The following MIB1 variants were observed in gnomAD, a reference collection of about 807,000 sequenced individuals.
The protein encoded by MIB1 is MIB E3 ubiquitin protein ligase 1, also known as E3 ubiquitin-protein ligase MIB1.
Under a neutral mutation model 124.5 loss-of-function variants are expected in MIB1, and 278 were observed. The ratio of observed to expected loss-of-function variants is 2.23; its 90% confidence interval spans 2.02 to 2.47. The LOEUF is 2.47. Among genes scored for constraint, MIB1 ranks in the 30% most tolerant of loss-of-function variants. The probability of loss-of-function intolerance (pLI) is 0.00; values close to 1 mark genes in which losing one functional copy is unlikely to be tolerated. For missense variants in MIB1, 957 were observed against 1,254.4 expected, an observed-to-expected ratio of 0.76 and a Z score of 3.58; for synonymous variants, 446 against 429.4, an observed-to-expected ratio of 1.04 and a Z score of -0.48.
At chr18:21,844,907 G>C (rs117388218) in intron 15 of MIB1, among the ~76,000 whole-genome samples, 19 of 151,978 alleles carry the variant, frequency 1.3e-4, no homozygotes, top group Non-Finnish European at 2.2e-4. Flanking sequence ...TAGGCTGTTT[G>C]TTTTCTTACT....
intron 6 of MIB1, among the ~76,000 whole-genome samples, chr18:21,790,618 A>T (rs2041491399): frequency 1.3e-5 from 2 of 152,208 alleles, no homozygotes; most frequent in East Asian, 3.8e-4. Flanking sequence ...AAACAACTAG[A>T]TTATGAATGT....
chr18:21,822,660 T>C (rs1048806917), intron 12 of MIB1, among the ~76,000 whole-genome samples: 2 of 149,962 alleles, frequency 1.3e-5, no homozygotes, highest in African/African-American at 4.9e-5. Context: ...ATTGGGATGT[T>C]TTGAATTCTT....
rs1002209681 is a variant in MIB1, at chr18:21,870,093, A to T, written c.*5427A>T. On this transcript the variant is annotated 3_prime_UTR_variant, in exon 21 of 21. Transcript: ENST00000261537. ...GATTTCTTGCTTATTAGCTTTTGTT[A>T]AAGAATGCTTAGTAAGAGCTAAGCT... is the stretch of plus-strand genomic sequence containing the variant. 3 of 152,568 alleles carry T rather than the reference A, an allele frequency of 2.0e-5. No homozygotes were observed. Among genetic ancestry groups the T allele is most frequent in the Non-Finnish European group, 2.9e-5 (2 of 67,974 alleles). The allele number at this position is 152,568 out of a possible 1,614,324, so 9.5% of individuals were successfully genotyped here.
chr18:21,725,353 C>T (rs1017229374), intron 1 of MIB1, among the ~76,000 whole-genome samples: 9 of 151,960 alleles, frequency 5.9e-5, no homozygotes, highest in African/African-American at 1.7e-4. Flanking sequence ...TATGTGAGAC[C>T]GCCTGTGGAG....
intron 7 of MIB1, among the ~76,000 whole-genome samples, chr18:21,795,197 A>G (rs1215956062): frequency 1.3e-5 from 2 of 149,198 alleles, no homozygotes; most frequent in Non-Finnish European, 3.0e-5. Context: ...TCAAAATATT[A>G]GGAAAGAGTA....
intron 12 of MIB1, among the ~76,000 whole-genome samples, 160 bp from the exon 13 acceptor site, chr18:21,838,200 AAAATT>A (rs1598636132): frequency 6.6e-6 from 1 of 152,216 alleles, no homozygotes; most frequent in Non-Finnish European, 1.5e-5. Context: ...TCTTAAAAAA[AAAATT>A]AAATTAAAGC....
At chr18:21,777,748 G>A (rs1230313242) in intron 4 of MIB1, among the ~76,000 whole-genome samples, 1 of 151,938 alleles carries the variant, frequency 6.6e-6, no homozygotes, top group Non-Finnish European at 1.5e-5. Flanking sequence ...AGTGGAGACG[G>A]GGTTTCACCA....
chr18:21,803,418 A>G (rs915282100), intron 9 of MIB1, among the ~76,000 whole-genome samples: 4 of 152,218 alleles, frequency 2.6e-5, no homozygotes, highest in African/African-American at 9.6e-5. Flanking sequence ...GTATATAACT[A>G]CCTTGCTAAC....
Position 21,838,056 on chromosome 18 carries a change from T to C in MIB1, c.1830-309T>C, listed in dbSNP as rs543401920. 6.6e-5 allele frequency among the ~76,000 whole-genome samples: 10 copies of C among 152,308 alleles called. No homozygotes were observed. The East Asian group carries it at 1.7e-3, about 26-fold the overall frequency. On this transcript the variant is annotated intron_variant, in intron 12 of 20. Coordinates refer to ENST00000261537, the MANE Select transcript of MIB1 (RefSeq NM_020774.4). ...AGGTTTCCTCCTTGTAGCACTTCCA[T>C]TCTGTTTTGATTCTATTTCCCAGAT...
At chr18:21,773,989 A>T (rs2041252248) in intron 4 of MIB1, among the ~76,000 whole-genome samples, 1 of 152,200 alleles carries the variant, frequency 6.6e-6, no homozygotes, top group African/African-American at 2.4e-5. Context: ...TATCAAAAAG[A>T]TTGGGAATCA....
chr18:21,791,635 A>G, intron 7 of MIB1, 78 bp downstream of exon 7: 2 of 1,208,276 alleles, frequency 1.7e-6, no homozygotes, highest in South Asian at 3.2e-5. Context: ...TAATGTAGAA[A>G]TTAAATTGGC....
intron 12 of MIB1, among the ~76,000 whole-genome samples, chr18:21,832,961 AG>A (rs1218975320): frequency 6.6e-6 from 1 of 152,206 alleles, no homozygotes; most frequent in African/African-American, 2.4e-5. Context: ...TCTCTTTCTA[AG>A]CCCTTTATAA....
At chr18:21,823,137 GACATGAGAATCACCTGA>G (rs2041893899) in intron 12 of MIB1, among the ~76,000 whole-genome samples, 1 of 151,176 alleles carries the variant, frequency 6.6e-6, no homozygotes, top group Admixed American at 6.6e-5. Context: ...GGGAGGCTGA[GACATGAGAATCACCTGA>G]ACCCAGGAAG....
intron 6 of MIB1, among the ~76,000 whole-genome samples, chr18:21,780,648 G>A (rs1313981269): frequency 6.6e-6 from 1 of 152,162 alleles, no homozygotes; most frequent in Non-Finnish European, 1.5e-5. Context: ...GGGTCTCATT[G>A]TATTGCCCAT....
intron 10 of MIB1, among the ~76,000 whole-genome samples, chr18:21,805,158 G>A (rs930067630): frequency 6.6e-6 from 1 of 151,882 alleles, no homozygotes; most frequent in African/African-American, 2.4e-5. Context: ...GATTATAGGC[G>A]CCTGCTACCA....
intron 12 of MIB1, among the ~76,000 whole-genome samples, chr18:21,834,748 CTG>C (rs762086559): frequency 5.7e-4 from 87 of 152,274 alleles, no homozygotes; most frequent in Non-Finnish European, 1.0e-3. Flanking sequence ...GTCTGGGAAA[CTG>C]TCACAACCAA....
rs1725917385 is a variant in MIB1, at chr18:21,866,225, C to G, written c.*1559C>G. On this transcript the variant is annotated 3_prime_UTR_variant, in exon 21 of 21. Transcript: ENST00000261537. Reference sequence around the variant, plus strand: ...ACTGTTTCTGGCTGTTTAATCCTTGCTGCCTTTGCAAGTCCTGGTGAAAGC... The same window carrying G: ...ACTGTTTCTGGCTGTTTAATCCTTGGTGCCTTTGCAAGTCCTGGTGAAAGC... The G allele has an allele frequency of 6.6e-6, 1 of 152,306 alleles. No individual in the cohort carries two copies. Among genetic ancestry groups the G allele is most frequent in the African/African-American group, 2.4e-5 (1 of 41,564 alleles). The allele number at this position is 152,306 out of a possible 1,614,324, so 9.4% of individuals were successfully genotyped here.
At chr18:21,734,775 CGCCTCGGCCTCCCACA>C (rs1396514272) in intron 1 of MIB1, among the ~76,000 whole-genome samples, 2 of 151,856 alleles carry the variant, frequency 1.3e-5, no homozygotes, top group African/African-American at 2.4e-5. Flanking sequence ...ATGATCCATC[CGCCTCGGCCTCCCACA>C]GTGCTGGGAT....
intron 12 of MIB1, chr18:21,831,381 G>C (rs769246435): frequency 1.3e-5 from 2 of 151,042 alleles, no homozygotes; most frequent in Non-Finnish European, 2.9e-5. Context: ...TGGTCACTAC[G>C]AGGCTAACTT....
Sources: gnomAD v4.1 joint callset for allele counts (sites outside exome capture counted in the v4.1 genomes callset) on GRCh38, gnomAD v4.1.1 for gene constraint, MANE v1.5 for transcripts, NCBI Gene and HGNC (gene_info 2026-07-23, HGNC 2026-07-21) for gene names.